KATNAL2: variants seen among roughly 807,000 people sequenced by gnomAD.
The protein encoded by KATNAL2 is katanin p60 ATPase-containing subunit A-like 2.
Under a neutral mutation model 76.3 loss-of-function variants are expected in KATNAL2, and 52 were observed. The observed-to-expected ratio is 0.68, with a 90% CI of 0.55 to 0.86. KATNAL2 has a LOEUF of 0.86. Among genes scored for constraint, KATNAL2 ranks in the 40% least tolerant of loss-of-function variants. The probability of loss-of-function intolerance (pLI) is 0.00; values close to 1 mark genes in which losing one functional copy is unlikely to be tolerated. For synonymous variants in KATNAL2, 243 were observed against 244.2 expected (o/e 1.00, Z 0.05); for missense variants, 660 against 668.9 (o/e 0.99, Z 0.15).
rs145475005 is a variant in KATNAL2, at chr18:47,054,412, G to T, written c.306G>T (p.Pro102=). The T allele has an allele frequency of 1.2e-6, 2 of 1,613,162 alleles. No individual in the cohort carries two copies. The highest frequency in any genetic ancestry group is 2.2e-5 in the East Asian group (1 of 44,864). Reference sequence around the variant, plus strand: ...TTGTCACAGCAGAAAATAATTTACCGCAAAGAAGTAGAGGGAAGACCAGAA... The same window carrying T: ...TTGTCACAGCAGAAAATAATTTACCTCAAAGAAGTAGAGGGAAGACCAGAA... ...KSSDTAENNL[P]QRSRGKTRRM... The change falls in exon 6 of 18, where the codon CCG becomes CCT. Residue 102 remains proline (P), a synonymous_variant. Transcript: ENST00000683218.
intron 3 of KATNAL2, chr18:47,033,238 G>C: frequency 6.2e-7 from 1 of 1,613,852 alleles, no homozygotes. Flanking sequence ...CGCGGGCTTG[G>C]AGGCTGGCTT....
At chr18:47,052,783 A>G in intron 4 of KATNAL2, 97 bp from the exon 5 acceptor site, 1 of 948,628 alleles carries the variant, frequency 1.1e-6, no homozygotes, top group Non-Finnish European at 1.5e-6. Context: ...ATATAGGCTT[A>G]CTTTTTGTAT....
intron 1 of KATNAL2, among the ~76,000 whole-genome samples, chr18:46,943,988 T>G (rs998353885): frequency 6.6e-6 from 1 of 152,266 alleles, no homozygotes; most frequent in African/African-American, 2.4e-5. Flanking sequence ...AGTTCTGTGA[T>G]GCCTATTGTC....
At chr18:47,079,821 A>T (rs2062422900) in intron 15 of KATNAL2, among the ~76,000 whole-genome samples, 1 of 152,180 alleles carries the variant, frequency 6.6e-6, no homozygotes, top group Non-Finnish European at 1.5e-5. Flanking sequence ...ATTCAGGATC[A>T]ATAGAATTTT....
chr18:46,957,518 T>A lies in KATNAL2; in HGVS notation c.51+10595T>A, dbSNP rs1569020044. The stretch of plus-strand genomic sequence containing the variant: ...ATCTGCCCGCCTTGGCCTCCCAAAG[T>A]GCTGGGATTACAGGCGTGAACCACC... On this transcript the variant is annotated intron_variant, in intron 3 of 17. Coordinates refer to ENST00000683218, the MANE Select transcript of KATNAL2 (RefSeq NM_001387690.1). Among the ~76,000 whole-genome samples the A allele has an allele frequency of 2.0e-5, 3 of 150,014 alleles. No homozygotes were observed. In the South Asian group the frequency reaches 6.3e-4, roughly 32 times the overall value.
chr18:47,052,525 T>G (rs1009026348), intron 4 of KATNAL2, among the ~76,000 whole-genome samples: 2 of 152,204 alleles, frequency 1.3e-5, no homozygotes, highest in African/African-American at 2.4e-5. Context: ...GTAACCAAGT[T>G]TGGGCAGATA....
intron 1 of KATNAL2, among the ~76,000 whole-genome samples, chr18:46,939,193 A>G (rs955731615): frequency 6.6e-6 from 1 of 152,090 alleles, no homozygotes; most frequent in Non-Finnish European, 1.5e-5. Context: ...GACAAAAATT[A>G]GCTGAGTGTG....
At position 46,918,997 on chromosome 18, in the gene KATNAL2, A is replaced by G. The variant is rs79074217; in HGVS notation, c.-510+1071A>G. Among the ~76,000 whole-genome samples the G allele has an allele frequency of 2.2e-3, 310 of 139,672 alleles. 2 individuals are homozygous for G. The highest frequency in any genetic ancestry group is 8.1e-3 in the African/African-American group (291 of 35,952). 91.6% of individuals were successfully genotyped at this position (139,672 alleles called of 152,430 possible). ...ATTTGATATATATGTGTGTGCGTGT[A>G]TATATATATATGTGTGTGTGTGTGT... On this transcript the variant is annotated intron_variant, in intron 1 of 17. Transcript: ENST00000683218.
intron 5 of KATNAL2, 65 bp from the exon 6 acceptor site, chr18:47,054,331 G>T: frequency 6.9e-7 from 1 of 1,443,228 alleles, no homozygotes; most frequent in Non-Finnish European, 9.7e-7. Flanking sequence ...AAACATACCT[G>T]AAAAAAATCA....
intron 15 of KATNAL2, among the ~76,000 whole-genome samples, chr18:47,088,294 C>T (rs1380217860): frequency 6.6e-6 from 1 of 152,148 alleles, no homozygotes; most frequent in Non-Finnish European, 1.5e-5. Context: ...CCTCAAGTCC[C>T]AAGGTCCCTA....
intron 1 of KATNAL2, among the ~76,000 whole-genome samples, chr18:46,937,234 T>C (rs1399766094): frequency 2.0e-5 from 3 of 152,010 alleles, no homozygotes; most frequent in Non-Finnish European, 2.9e-5. Context: ...GAGAAAAACA[T>C]AGACAAATTT....
At chr18:46,955,140 C>CTCTCTCTTTCTTTCTTTCTTTCTTTCTT (rs1555834717) in intron 3 of KATNAL2, among the ~76,000 whole-genome samples, 8 of 85,072 alleles carry the variant, frequency 9.4e-5, no homozygotes, top group Admixed American at 5.6e-4. Flanking sequence ...CTTTCTCTCT[C>CTCTCTCTTTCTTTCTTTCTTTCTTTCTT]TCTTTCTTTC....
intron 14 of KATNAL2, among the ~76,000 whole-genome samples, 174 bp from the exon 15 acceptor site, chr18:47,077,177 G>A (rs950623374): frequency 2.0e-5 from 3 of 152,082 alleles, no homozygotes; most frequent in Non-Finnish European, 4.4e-5. Flanking sequence ...CTATCATACT[G>A]TATGTGAAAA....
rs957635266 is a variant in KATNAL2, at chr18:47,042,316, T to A, written c.52-4141T>A. On this transcript the variant is annotated intron_variant, in intron 3 of 17. Coordinates refer to ENST00000683218, the MANE Select transcript of KATNAL2 (RefSeq NM_001387690.1). ...GCAAAATCGATCAAACAAGTAGTAC[T>A]TACTATGCTCCCTTCACAAACATTT... Among the ~76,000 whole-genome samples the A allele has an allele frequency of 5.9e-5, 9 of 152,346 alleles. No homozygotes were observed. In the East Asian group the frequency reaches 1.5e-3, roughly 26 times the overall value.
chr18:47,046,004 T>C (rs894454254), intron 3 of KATNAL2, among the ~76,000 whole-genome samples: 2 of 152,258 alleles, frequency 1.3e-5, no homozygotes, highest in African/African-American at 4.8e-5. Flanking sequence ...AACTCATCTC[T>C]GCATTTGGCA....
chr18:47,045,740 TTAGA>T (rs528780157), intron 3 of KATNAL2, among the ~76,000 whole-genome samples: 9 of 152,232 alleles, frequency 5.9e-5, no homozygotes, highest in Non-Finnish European at 1.3e-4. Context: ...TGTATTCTAC[TTAGA>T]TAAAGATAGA....
chr18:47,096,314 C>T (rs7230545), intron 15 of KATNAL2, among the ~76,000 whole-genome samples: 14,408 of 152,014 alleles, frequency 0.095, 1,573 homozygotes, highest in African/African-American at 0.26. Context: ...CTGGTGATGA[C>T]GTTTTCATTG....
intron 3 of KATNAL2, among the ~76,000 whole-genome samples, chr18:47,043,873 C>T (rs933451164): frequency 9.2e-5 from 14 of 151,674 alleles, no homozygotes; most frequent in Non-Finnish European, 1.9e-4. Context: ...ATTTTTGGCT[C>T]CACAGTGAAC....
At chr18:47,072,720 TAAGCC>T (rs1467255822) in intron 13 of KATNAL2, among the ~76,000 whole-genome samples, 1 of 152,212 alleles carries the variant, frequency 6.6e-6, no homozygotes, top group Non-Finnish European at 1.5e-5. Flanking sequence ...ATTACAGGCA[TAAGCC>T]ACCATGCCTA....
Sources: gnomAD v4.1 joint callset for allele counts (sites outside exome capture counted in the v4.1 genomes callset) on GRCh38, gnomAD v4.1.1 for gene constraint, MANE v1.5 for transcripts, NCBI Gene and HGNC (gene_info 2026-07-23, HGNC 2026-07-21) for gene names.